Variants in FMN1 observed in about 807,000 individuals in gnomAD.
The protein encoded by FMN1 is formin-1.
Under a neutral mutation model 132.4 loss-of-function variants are expected in FMN1, and 110 were observed. That is an observed-to-expected ratio of 0.83 (90% CI 0.71 to 0.97). FMN1 has a LOEUF of 0.97. FMN1 is among the 50% of genes least tolerant of loss of function. The probability of loss-of-function intolerance (pLI) is 0.00; values close to 1 mark genes in which losing one functional copy is unlikely to be tolerated. For missense variants in FMN1, 1,792 were observed against 1,705.3 expected (o/e 1.05, Z -0.90); for synonymous variants, 722 against 651.7 (o/e 1.11, Z -1.64).
chr15:33,070,092 G>GC (rs762904327), intron 5 of FMN1, among the ~76,000 whole-genome samples: 2 of 121,202 alleles, frequency 1.7e-5, no homozygotes, highest in Non-Finnish European at 3.2e-5. Context: ...CACAACCCCC[G>GC]CCTCCCGGGT....
chr15:33,006,342 A>G (rs369513069), intron 7 of FMN1, among the ~76,000 whole-genome samples: 7 of 152,334 alleles, frequency 4.6e-5, no homozygotes, highest in East Asian at 3.9e-4. Context: ...CCACGATGAG[A>G]TATCACTTCA....
chr15:33,070,956 T>C (rs2037974894), intron 5 of FMN1, among the ~76,000 whole-genome samples: 1 of 152,322 alleles, frequency 6.6e-6, no homozygotes, highest in East Asian at 1.9e-4. Flanking sequence ...GGAAGTATAA[T>C]GTGAATCCAT....
intron 6 of FMN1, among the ~76,000 whole-genome samples, chr15:33,022,504 G>A (rs1315586968): frequency 6.6e-6 from 1 of 152,208 alleles, no homozygotes; most frequent in East Asian, 1.9e-4. Flanking sequence ...AAAGTTAAAA[G>A]TGTCCCAACA....
chr15:33,189,264 A>G (rs1965991922), intron 2 of FMN1, among the ~76,000 whole-genome samples: 1 of 152,194 alleles, frequency 6.6e-6, no homozygotes, highest in Non-Finnish European at 1.5e-5. Context: ...GGATGCTACA[A>G]TAGAAATAGA....
At chr15:32,903,814 G>C (rs940916251) in intron 12 of FMN1, among the ~76,000 whole-genome samples, 2 of 152,174 alleles carry the variant, frequency 1.3e-5, no homozygotes, top group African/African-American at 2.4e-5. Context: ...GAATTGCAAG[G>C]CTCTCTAGGA....
intron 19 of FMN1, among the ~76,000 whole-genome samples, chr15:32,785,036 ATCC>A (rs766825496): frequency 4.0e-4 from 61 of 151,502 alleles, no homozygotes; most frequent in Admixed American, 1.8e-3. Flanking sequence ...TCATCTGCTC[ATCC>A]TCGTTTCCTT....
chr15:33,089,786 C>G (rs886808177), intron 4 of FMN1, among the ~76,000 whole-genome samples: 1 of 152,198 alleles, frequency 6.6e-6, no homozygotes, highest in Non-Finnish European at 1.5e-5. Flanking sequence ...CTTTTAATGA[C>G]CACACTATGG....
At chr15:33,139,735 G>C (rs1292684061) in intron 4 of FMN1, among the ~76,000 whole-genome samples, 1 of 152,182 alleles carries the variant, frequency 6.6e-6, no homozygotes, top group African/African-American at 2.4e-5. Flanking sequence ...ATTCAAGTCA[G>C]AAGATCCGGC....
At chr15:32,855,983 A>G (rs2059122859) in intron 17 of FMN1, among the ~76,000 whole-genome samples, 1 of 152,210 alleles carries the variant, frequency 6.6e-6, no homozygotes, top group African/African-American at 2.4e-5. Flanking sequence ...TGAGAGAGAA[A>G]TCTGACTTCT....
At chr15:32,988,056 T>G (rs1028569672) in intron 7 of FMN1, among the ~76,000 whole-genome samples, 1 of 150,142 alleles carries the variant, frequency 6.7e-6, no homozygotes, top group Non-Finnish European at 1.5e-5. Context: ...CCAGTTTTTT[T>G]TTTTTTTTTT....
intron 5 of FMN1, among the ~76,000 whole-genome samples, chr15:33,075,020 CAAAAAAAAAAA>C (rs57504432): frequency 2.3e-4 from 14 of 61,690 alleles, no homozygotes; most frequent in South Asian, 1.2e-3. Flanking sequence ...GATTCCATCT[CAAAAAAAAAAA>C]AAAAAAAAAA....
At chr15:33,007,931 T>C (rs967358700) in intron 7 of FMN1, 83 bp downstream of exon 7, 4 of 1,212,566 alleles carry the variant, frequency 3.3e-6, no homozygotes, top group Non-Finnish European at 4.7e-6. Context: ...ACACTTCAAC[T>C]TAAGAGGAAT....
rs767658904 is a variant in FMN1, at chr15:33,067,492, T to A, written c.2044-2418A>T. 8.1e-6 allele frequency: 13 copies of A among 1,613,986 alleles called. No individual in the cohort carries two copies. In the Admixed American group the frequency reaches 1.7e-4, roughly 21 times the overall value. ...TCCCACGAACACAAATGACATCGTC[T>A]TTTGTCCCTTTCAAAGTAGACAGTG... On this transcript the variant is annotated intron_variant, in intron 5 of 20. Transcript: ENST00000616417.
intron 8 of FMN1, among the ~76,000 whole-genome samples, chr15:32,964,583 T>G (rs1158470902): frequency 6.6e-6 from 1 of 152,152 alleles, no homozygotes; most frequent in Non-Finnish European, 1.5e-5. Flanking sequence ...TCCCTCAGCC[T>G]GTGGCATTTC....
At chr15:32,981,110 A>T (rs1003025012) in intron 7 of FMN1, among the ~76,000 whole-genome samples, 12 of 152,114 alleles carry the variant, frequency 7.9e-5, no homozygotes, top group African/African-American at 2.2e-4. Context: ...TTAAAAGGAA[A>T]TTTTTTTTCA....
intron 18 of FMN1, among the ~76,000 whole-genome samples, chr15:32,801,537 C>T (rs150351199): frequency 2.0e-5 from 3 of 151,942 alleles, no homozygotes; most frequent in Non-Finnish European, 4.4e-5. Context: ...GAGGCCGAGG[C>T]GGGTGCATCA....
At chr15:33,173,282 A>C (rs560107027) in intron 3 of FMN1, among the ~76,000 whole-genome samples, 1 of 152,288 alleles carries the variant, frequency 6.6e-6, no homozygotes, top group South Asian at 2.1e-4. Context: ...AAGGTGGATG[A>C]GGTGAGAGAG....
At chr15:33,127,941 AACAGG>A (rs754323827) in intron 4 of FMN1, among the ~76,000 whole-genome samples, 1 of 152,204 alleles carries the variant, frequency 6.6e-6, no homozygotes, top group Non-Finnish European at 1.5e-5. Flanking sequence ...AAGAGGCAGC[AACAGG>A]ACAGGAGAAA....
Position 32,845,559 on chromosome 15 carries a change from C to T in FMN1, c.3928+11456G>A, listed in dbSNP as rs142921373. On this transcript the variant is annotated intron_variant, in intron 17 of 20. Transcript: ENST00000616417. ...GGTTCTCTAAGTTAGTAGGATGGCA[C>T]AGTAACAACGCTGGGATTGAGCTCA... Among the ~76,000 whole-genome samples the T allele has an allele frequency of 6.4e-4, 98 of 152,258 alleles. 1 individual carries two copies. The East Asian group carries it at 0.016, about 25-fold the overall frequency.
Sources: allele counts gnomAD v4.1 joint callset (sites outside exome capture counted in the v4.1 genomes callset), GRCh38; gene constraint gnomAD v4.1.1; transcripts MANE v1.5; gene names NCBI Gene and HGNC (gene_info 2026-07-23, HGNC 2026-07-21).